Variants in COL28A1 observed in about 807,000 individuals in gnomAD.
The protein encoded by COL28A1 is collagen alpha-1(XXVIII) chain.
Under a neutral mutation model 150.2 loss-of-function variants are expected in COL28A1, and 161 were observed. The ratio of observed to expected loss-of-function variants is 1.07; its 90% CI spans 0.94 to 1.22. The LOEUF is 1.22. Among genes scored for constraint, COL28A1 ranks in the 50% most tolerant of loss-of-function variants. COL28A1 has a pLI of 0.00. For missense variants in COL28A1, 1,617 were observed against 1,388.3 expected (o/e 1.16, Z -2.62); for synonymous variants, 552 against 469.7 (o/e 1.18, Z -2.26).
At chr7:7,486,704 A>G (rs1324419271) in intron 13 of COL28A1, among the ~76,000 whole-genome samples, 1 of 152,060 alleles carries the variant, frequency 6.6e-6, no homozygotes, top group Admixed American at 6.6e-5. Flanking sequence ...TGATCATGTG[A>G]TCTTTCTTCT....
intron 18 of COL28A1, among the ~76,000 whole-genome samples, chr7:7,449,193 C>G (rs899323340): frequency 6.6e-6 from 1 of 151,954 alleles, no homozygotes; most frequent in African/African-American, 2.4e-5. Flanking sequence ...GAATGATCAT[C>G]ATAAAAAAGT....
At chr7:7,491,082 C>T (rs138458661) in intron 11 of COL28A1, among the ~76,000 whole-genome samples, 2 of 152,270 alleles carry the variant, frequency 1.3e-5, no homozygotes, top group East Asian at 3.9e-4. Flanking sequence ...TCTTTAAGTG[C>T]TCTGGAAGAC....
intron 25 of COL28A1, among the ~76,000 whole-genome samples, chr7:7,429,158 G>A (rs1250621718): frequency 1.3e-5 from 2 of 152,072 alleles, no homozygotes; most frequent in Admixed American, 6.5e-5. Flanking sequence ...ATTTTAAGGC[G>A]ACTACACAAA....
Position 7,373,005 on chromosome 7 carries a change from G to C in COL28A1, c.2901C>G (p.Thr967=), listed in dbSNP as rs372795400. 3.7e-6 allele frequency: 6 copies of C among 1,612,700 alleles called. No homozygotes were observed. Among genetic ancestry groups the C allele is most frequent in the Non-Finnish European group, 5.1e-6 (6 of 1,179,240 alleles). The part of the protein sequence containing the change: ...EHVYQFDDFF[T]LQDTLKQKLF... ...CCAGATAGCCTTCCTTACCTTGCAG[G>C]GTAAAGAAATCATCAAACTGGTAAA... The change falls in exon 32 of 35, where the codon ACC becomes ACG. Residue 967 remains threonine (T), a synonymous_variant. Transcript: ENST00000399429. The surrounding 1 kb of genome is among the most constrained non-coding windows in gnomAD (Gnocchi z 4.1).
chr7:7,395,046 C>T, intron 27 of COL28A1, among the ~76,000 whole-genome samples: 1 of 152,140 alleles, frequency 6.6e-6, no homozygotes, highest in East Asian at 1.9e-4. Context: ...AATCCCAGCA[C>T]TTTGGGAGGT....
chr7:7,385,016 G>A (rs1022789725), intron 27 of COL28A1, among the ~76,000 whole-genome samples: 6 of 152,208 alleles, frequency 3.9e-5, no homozygotes, highest in African/African-American at 1.4e-4. Flanking sequence ...ATGAAGGTTA[G>A]TGGGGTCTGC....
chr7:7,451,364 T>G (rs1220067528), intron 18 of COL28A1, among the ~76,000 whole-genome samples: 1 of 152,102 alleles, frequency 6.6e-6, no homozygotes. Context: ...TAGCTGGGAC[T>G]ACAAGCACGC....
At chr7:7,354,886 A>G (rs547616401), downstream of COL28A1, among the ~76,000 whole-genome samples, 1 of 152,242 alleles carries the variant, frequency 6.6e-6, no homozygotes, top group Non-Finnish European at 1.5e-5. Context: ...CTGACACCAA[A>G]GAGCTAATAG....
At chr7:7,515,754 CT>C in intron 8 of COL28A1, 59 bp downstream of exon 8, 1 of 825,264 alleles carries the variant, frequency 1.2e-6, no homozygotes, top group Non-Finnish European at 2.1e-6. Flanking sequence ...CCTAAGTACA[CT>C]TATGTTTCTG....
At chr7:7,397,053 T>C (rs908535999) in intron 27 of COL28A1, among the ~76,000 whole-genome samples, 2 of 152,224 alleles carry the variant, frequency 1.3e-5, no homozygotes. Context: ...ATCTGTTTTC[T>C]ATTGCTGTTG....
chr7:7,339,977 CTTACA>C, the COL28A1 span, among the ~76,000 whole-genome samples: 1 of 151,930 alleles, frequency 6.6e-6, no homozygotes, highest in Non-Finnish European at 1.5e-5. Flanking sequence ...TTTGATAGTC[CTTACA>C]TTATTGTTTT....
chr7:7,509,464 CTCTA>C (rs1781003873), intron 9 of COL28A1, among the ~76,000 whole-genome samples: 1 of 152,136 alleles, frequency 6.6e-6, no homozygotes, highest in African/African-American at 2.4e-5. Flanking sequence ...ATTTCCACTT[CTCTA>C]TCTCTTCATG....
intron 13 of COL28A1, among the ~76,000 whole-genome samples, chr7:7,479,913 A>C (rs1789250651): frequency 6.6e-6 from 1 of 152,244 alleles, no homozygotes; most frequent in Admixed American, 6.5e-5. Flanking sequence ...TAGTAAAGGA[A>C]CTTACAACAA....
intron 18 of COL28A1, among the ~76,000 whole-genome samples, chr7:7,449,254 T>C (rs949100910): frequency 6.6e-6 from 1 of 152,120 alleles, no homozygotes; most frequent in Non-Finnish European, 1.5e-5. Context: ...GTTTGACATC[T>C]GAAAACTCTG....
intron 6 of COL28A1, 78 bp from the exon 7 acceptor site, chr7:7,517,915 A>G: frequency 6.3e-7 from 1 of 1,583,802 alleles, no homozygotes; most frequent in East Asian, 2.2e-5. Context: ...ATTATACAGA[A>G]GATTAATAGC....
At chr7:7,507,081 C>T (rs371333298) in intron 10 of COL28A1, 36 bp downstream of exon 10, 23 of 943,502 alleles carry the variant, frequency 2.4e-5, no homozygotes, top group Non-Finnish European at 4.0e-5. Context: ...CCAGGTGATT[C>T]TAATTCAAAC....
intron 3 of COL28A1, among the ~76,000 whole-genome samples, chr7:7,530,235 G>GAATAA (rs1406520703): frequency 6.6e-6 from 1 of 152,060 alleles, no homozygotes; most frequent in African/African-American, 2.4e-5. Flanking sequence ...GGCAAACATT[G>GAATAA]AATAAAATAA....
rs1482402352 is a variant in COL28A1 at position 7,466,266 on chromosome 7, T to C, written c.1302+8335A>G. Among the ~76,000 whole-genome samples, 8 of 134,912 alleles carry C rather than the reference T, an allele frequency of 5.9e-5. No individual in the cohort carries two copies. In the South Asian group the frequency reaches 2.1e-3, roughly 35 times the overall value. The allele number at this position is 134,912 out of a possible 152,430, so 88.5% of individuals were successfully genotyped here. A position where few individuals can be genotyped will look rare whatever the true frequency, so the allele number is the denominator to read the frequency against. On this transcript the variant is annotated intron_variant, in intron 15 of 34. Transcript: ENST00000399429. ...AATACAGAGAAGTGCTTAAAGGAGC[T>C]GATGGAGCTGAAAACCAAGGCTCGA...
In COL28A1 at chr7:7,460,714, TAAG is replaced by T. The variant is rs571793235; in HGVS notation, c.1303-4605_1303-4603del. ...TGTTTTTAACAACTGTTTTCTTTAC[TAAG>T]AAGAAATGTCTTTCGATAATGTCTG... is the stretch of plus-strand genomic sequence containing the variant. On this transcript the variant is annotated intron_variant, in intron 15 of 34. Transcript: ENST00000399429. Among the ~76,000 whole-genome samples the T allele has an allele frequency of 1.4e-4, 21 of 152,352 alleles. No individual in the cohort carries two copies. In the South Asian group the frequency reaches 4.1e-3, roughly 30 times the overall value.
Sources: gnomAD v4.1 joint callset for allele counts (sites outside exome capture counted in the v4.1 genomes callset) on GRCh38, gnomAD v4.1.1 for gene constraint, Gnocchi (gnomAD v3.1) non-coding constraint, MANE v1.5 for transcripts, NCBI Gene and HGNC (gene_info 2026-07-23, HGNC 2026-07-21) for gene names.